Variants in IL1RAPL1 observed in about 807,000 individuals in gnomAD.
IL1RAPL1 encodes the protein interleukin-1 receptor accessory protein-like 1.
Under a neutral mutation model 48.4 loss-of-function variants are expected in IL1RAPL1, and 3 were observed. The observed-to-expected ratio is 0.06, with a 90% CI of 0.03 to 0.16. IL1RAPL1 has a LOEUF of 0.16. Among genes scored for constraint, IL1RAPL1 ranks in the 10% least tolerant of loss-of-function variants. The pLI is 1.00. For missense variants in IL1RAPL1, 349 were observed against 530.6 expected, an observed-to-expected ratio of 0.66 and a Z score of 3.36; for synonymous variants, 185 against 187.7, an observed-to-expected ratio of 0.99 and a Z score of 0.12.
At chrX:29,014,329 T>C (rs1449833300) in intron 2 of IL1RAPL1, among the ~76,000 whole-genome samples, 1 of 112,218 alleles carries the variant, frequency 8.9e-6, no homozygotes, top group Admixed American at 9.5e-5. Context: ...AAACCTATTT[T>C]GAAAAATAAA....
rs781591562 is a variant in IL1RAPL1, at chrX:29,877,958, A to G, written c.779-39506A>G. Among the ~76,000 whole-genome samples, 8 of 112,078 alleles carry G rather than the reference A, an allele frequency of 7.1e-5. No individual in the cohort carries two copies. The East Asian group carries it at 1.4e-3, about 20-fold the overall frequency. ...CATTTTTGTCAATTTTTAATCATCA[A>G]TGTACCCACAGTGTTTACAAGAGTA... On this transcript the variant is annotated intron_variant, in intron 6 of 10. Transcript: ENST00000378993.
intron 3 of IL1RAPL1, among the ~76,000 whole-genome samples, chrX:29,352,013 A>G (rs995245674): frequency 1.8e-5 from 2 of 111,793 alleles, no homozygotes; most frequent in African/African-American, 3.2e-5. Context: ...AAGTTTTGAT[A>G]TTATTTATTA....
chrX:29,060,820 T>G (rs1287214375), intron 2 of IL1RAPL1, among the ~76,000 whole-genome samples: 1 of 112,000 alleles, frequency 8.9e-6, no homozygotes, highest in African/African-American at 3.3e-5. Context: ...CTCAATTAAA[T>G]GTACATTTTA....
intron 5 of IL1RAPL1, among the ~76,000 whole-genome samples, chrX:29,589,309 T>C (rs1457990844): frequency 8.9e-6 from 1 of 111,871 alleles, no homozygotes; most frequent in Non-Finnish European, 1.9e-5. Flanking sequence ...TTTCATGCAT[T>C]CAATGTATTC....
chrX:28,984,481 T>C (rs1354428745), intron 2 of IL1RAPL1, among the ~76,000 whole-genome samples: 2 of 111,783 alleles, frequency 1.8e-5, no homozygotes, highest in Non-Finnish European at 3.8e-5. Flanking sequence ...AATTTTGATA[T>C]TTACTGTTTT....
intron 3 of IL1RAPL1, among the ~76,000 whole-genome samples, chrX:29,306,878 A>G (rs965800223): frequency 4.0e-4 from 43 of 107,964 alleles, no homozygotes; most frequent in African/African-American, 1.3e-3. Context: ...AAAAAAAAAA[A>G]AAAAGAAATT....
chrX:29,832,592 G>A (rs748609435), intron 6 of IL1RAPL1, among the ~76,000 whole-genome samples: 1 of 111,351 alleles, frequency 9.0e-6, no homozygotes, highest in East Asian at 2.8e-4. Context: ...ATCACCCACT[G>A]CTGACTGGCT....
intron 2 of IL1RAPL1, among the ~76,000 whole-genome samples, chrX:28,925,875 C>A (rs1004118944): frequency 8.9e-6 from 1 of 111,751 alleles, no homozygotes; most frequent in Non-Finnish European, 1.9e-5. Context: ...GAGCCAAGAT[C>A]GTGCTATTGC....
At chrX:28,914,441 C>T (rs1366518136) in intron 2 of IL1RAPL1, among the ~76,000 whole-genome samples, 2 of 111,818 alleles carry the variant, frequency 1.8e-5, no homozygotes, top group African/African-American at 3.2e-5. Context: ...TCCCCTCCTC[C>T]CACAAATGAC....
intron 1 of IL1RAPL1, among the ~76,000 whole-genome samples, chrX:28,696,389 ACACT>A (rs1400333391): frequency 8.9e-6 from 1 of 111,825 alleles, no homozygotes; most frequent in East Asian, 2.8e-4. Context: ...TTTATTAATA[ACACT>A]CAATAATGAG....
rs146883962 is a variant in IL1RAPL1 at position 28,865,438 on chromosome X, C to CA, written c.82+76029dup. Among the ~76,000 whole-genome samples the CA allele has an allele frequency of 7.1e-3, 593 of 83,484 alleles. 5 individuals are homozygous for CA. Among genetic ancestry groups the CA allele is most frequent in the African/African-American group, 0.016 (358 of 22,407 alleles). 72.5% of individuals were successfully genotyped at this position (83,484 alleles called of 115,157 possible). On this transcript the variant is annotated intron_variant, in intron 2 of 10. Transcript: ENST00000378993. Reference sequence around the variant, plus strand: ...TGGGTGACAGAAGGAGACCCTGTCTCAAAAAAAAAAAAAAAATTAAGAGTT... The same window carrying CA: ...TGGGTGACAGAAGGAGACCCTGTCTCAAAAAAAAAAAAAAAAATTAAGAGTT...
At chrX:29,342,068 A>G (rs1232053778) in intron 3 of IL1RAPL1, among the ~76,000 whole-genome samples, 1 of 106,625 alleles carries the variant, frequency 9.4e-6, no homozygotes, top group Non-Finnish European at 1.9e-5. Flanking sequence ...CGGCCTCCCA[A>G]AGTGCTGGGA....
At chrX:29,920,330 G>A (rs1302605890) in intron 8 of IL1RAPL1, among the ~76,000 whole-genome samples, 1 of 110,807 alleles carries the variant, frequency 9.0e-6, no homozygotes, top group African/African-American at 3.3e-5. Flanking sequence ...GTGTAACTTT[G>A]GGCAAAACAT....
intron 3 of IL1RAPL1, among the ~76,000 whole-genome samples, chrX:29,342,156 T>TGTGTGTGTG (rs1569290855): frequency 1.5e-5 from 1 of 64,788 alleles, no homozygotes; most frequent in Admixed American, 1.8e-4. Flanking sequence ...GTGTGTGTGT[T>TGTGTGTGTG]TGTTTTGTTT....
rs1384727161 is a variant in IL1RAPL1 at position 29,057,421 on chromosome X, T to C, written c.83-225517T>C. Among the ~76,000 whole-genome samples the C allele has an allele frequency of 3.7e-5, 4 of 107,221 alleles. No homozygotes were observed. The Admixed American group carries it at 4.0e-4, about 11-fold the overall frequency. 93.1% of individuals were successfully genotyped at this position (107,221 alleles called of 115,157 possible). A position where few individuals can be genotyped will look rare whatever the true frequency, so the allele number is the denominator to read the frequency against. ...GATCATGTTTGTTTGGCCTACTTTT[T>C]TTTTTTCTTTTTTTTTCTTTTTTTT... On this transcript the variant is annotated intron_variant, in intron 2 of 10. Transcript: ENST00000378993.
chrX:29,678,342 CTTTTTTTTTT>C (rs140827802), intron 6 of IL1RAPL1, among the ~76,000 whole-genome samples: 2 of 41,724 alleles, frequency 4.8e-5, no homozygotes, highest in South Asian at 1.6e-3. Context: ...TTCAACACTA[CTTTTTTTTTT>C]TTTTTTTTTT....
At chrX:28,826,003 G>A (rs960117167) in intron 2 of IL1RAPL1, among the ~76,000 whole-genome samples, 1 of 111,419 alleles carries the variant, frequency 9.0e-6, no homozygotes, top group African/African-American at 3.3e-5. Flanking sequence ...GAAATGCTGA[G>A]GAAGAATGAA....
At position 29,514,628 on chromosome X, in the gene IL1RAPL1, T is replaced by C. The variant is rs537058221; in HGVS notation, c.703+115320T>C. 4.8e-4 allele frequency among the ~76,000 whole-genome samples: 54 copies of C among 112,309 alleles called. No homozygotes were observed. The South Asian group carries it at 0.012, about 26-fold the overall frequency. On this transcript the variant is annotated intron_variant, in intron 5 of 10. Coordinates refer to ENST00000378993, the MANE Select transcript of IL1RAPL1 (RefSeq NM_014271.4). ...CACGCCCGGCTAATTTTTGTGTTTT[T>C]AGTAGAGACAGGGTTTTGCCATGTT...
chrX:29,719,497 A>G (rs1469071973), intron 6 of IL1RAPL1, among the ~76,000 whole-genome samples: 3 of 110,718 alleles, frequency 2.7e-5, no homozygotes, highest in East Asian at 2.9e-4. Flanking sequence ...AAAGAGTTCT[A>G]TTGGCCCCGC....
Sources: allele counts gnomAD v4.1 joint callset (sites outside exome capture counted in the v4.1 genomes callset), GRCh38; gene constraint gnomAD v4.1.1; transcripts MANE v1.5; gene names NCBI Gene and HGNC (gene_info 2026-07-23, HGNC 2026-07-21).